DIAPH3: variants seen among roughly 807,000 people sequenced by gnomAD.
The protein encoded by DIAPH3 is diaphanous related formin 3, also known as protein diaphanous homolog 3.
In DIAPH3, 117 loss-of-function variants were observed where a neutral mutation model predicts 144.3. The ratio of observed to expected loss-of-function variants is 0.81; its 90% confidence interval spans 0.70 to 0.95. The LOEUF (loss-of-function observed/expected upper bound fraction) is 0.95. DIAPH3 is among the 40% of genes least tolerant of loss of function. DIAPH3 has a pLI of 0.00. For synonymous variants in DIAPH3, 519 were observed against 488.9 expected (o/e 1.06, Z -0.81); for missense variants, 1,421 against 1,412.7 (o/e 1.01, Z -0.09).
intron 27 of DIAPH3, among the ~76,000 whole-genome samples, chr13:59,714,597 CTT>C (rs1188087151): frequency 1.3e-5 from 2 of 152,088 alleles, no homozygotes; most frequent in Non-Finnish European, 2.9e-5. Flanking sequence ...CAGTTTATAA[CTT>C]TACCTTTTTT....
Position 59,666,943 on chromosome 13 carries a change from T to G in DIAPH3, c.3320-97A>C, listed in dbSNP as rs903125001. 8 of 1,394,456 alleles carry G rather than the reference T, an allele frequency of 5.7e-6. No homozygotes were observed. The Admixed American group carries it at 7.7e-5, about 13-fold the overall frequency. The allele number at this position is 1,394,456 out of a possible 1,614,324, so 86.4% of individuals were successfully genotyped here. ...ATTTAAAATAATTATTCTCAATAAA[T>G]AAGTAGTCTTCTTAGATAGACTAAA... On this transcript the variant is annotated intron_variant, in intron 27 of 27. Transcript: ENST00000400324.
rs147909243 is a variant in DIAPH3, at chr13:59,829,137, G to A, written c.3027+3970C>T. ...GTCGTGAGATTCTAGAAACACTGAG[G>A]AGAGACTGTATGAGTTAGTCAAAGG... On this transcript the variant is annotated intron_variant, in intron 24 of 27. Coordinates refer to ENST00000400324, the MANE Select transcript of DIAPH3 (RefSeq NM_001042517.2). 7.0e-4 allele frequency among the ~76,000 whole-genome samples: 106 copies of A among 152,080 alleles called. 1 individual carries two copies. The East Asian group carries it at 0.014, about 19-fold the overall frequency.
At chr13:59,950,225 A>G (rs2049030102) in intron 17 of DIAPH3, among the ~76,000 whole-genome samples, 1 of 152,160 alleles carries the variant, frequency 6.6e-6, no homozygotes, top group Admixed American at 6.6e-5. Context: ...AACTCTTTCT[A>G]GGTTCATCTT....
intron 25 of DIAPH3, among the ~76,000 whole-genome samples, chr13:59,803,880 T>C (rs1032452359): frequency 1.3e-5 from 2 of 152,218 alleles, no homozygotes; most frequent in Non-Finnish European, 2.9e-5. Context: ...CTACTATTTA[T>C]GGAACAGAAT....
intron 1 of DIAPH3, among the ~76,000 whole-genome samples, chr13:60,152,766 A>C (rs1951852278): frequency 6.6e-6 from 1 of 152,066 alleles, no homozygotes; most frequent in Non-Finnish European, 1.5e-5. Context: ...TTCTTATTTA[A>C]CCAAAAAAAC....
At chr13:59,737,530 C>A (rs1048605741) in intron 27 of DIAPH3, among the ~76,000 whole-genome samples, 5 of 152,080 alleles carry the variant, frequency 3.3e-5, no homozygotes, top group Admixed American at 1.3e-4. Flanking sequence ...TTTATGTCAG[C>A]CTCAGAGTAT....
intron 25 of DIAPH3, among the ~76,000 whole-genome samples, chr13:59,801,219 C>A (rs1248809786): frequency 6.6e-6 from 1 of 152,106 alleles, no homozygotes. Context: ...TTAAAATAAT[C>A]TTTTGTTCCC....
intron 25 of DIAPH3, among the ~76,000 whole-genome samples, chr13:59,790,730 CAT>C (rs2039286622): frequency 6.6e-6 from 1 of 152,030 alleles, no homozygotes; most frequent in African/African-American, 2.4e-5. Flanking sequence ...AAAGAATTGA[CAT>C]ATGCTTTCAG....
intron 25 of DIAPH3, among the ~76,000 whole-genome samples, chr13:59,791,574 T>C (rs1480280485): frequency 6.6e-6 from 1 of 152,208 alleles, no homozygotes; most frequent in Non-Finnish European, 1.5e-5. Context: ...AAGCTCATTC[T>C]TTCCACTATA....
At chr13:59,817,485 C>G (rs908686768) in intron 24 of DIAPH3, among the ~76,000 whole-genome samples, 1 of 151,760 alleles carries the variant, frequency 6.6e-6, no homozygotes, top group African/African-American at 2.4e-5. Flanking sequence ...CATAGTTTCC[C>G]TTTCTTCTGA....
chr13:59,905,948 C>G (rs1489093002), intron 20 of DIAPH3, among the ~76,000 whole-genome samples: 1 of 152,044 alleles, frequency 6.6e-6, no homozygotes, highest in Admixed American at 6.5e-5. Flanking sequence ...TTTAAGCCAC[C>G]AAGTTTGTGG....
At chr13:60,015,091 G>A (rs2053550720) in intron 7 of DIAPH3, among the ~76,000 whole-genome samples, 1 of 152,002 alleles carries the variant, frequency 6.6e-6, no homozygotes, top group Non-Finnish European at 1.5e-5. Context: ...AAACTCCTGG[G>A]CTCAAGCCAC....
At chr13:59,714,339 G>A (rs570740080) in intron 27 of DIAPH3, among the ~76,000 whole-genome samples, 12 of 131,942 alleles carry the variant, frequency 9.1e-5, no homozygotes, top group South Asian at 2.7e-4. Flanking sequence ...CAGCCTGGGC[G>A]ACAGAGCGAG....
intron 5 of DIAPH3, among the ~76,000 whole-genome samples, chr13:60,028,509 T>C (rs1226213415): frequency 6.6e-6 from 1 of 152,168 alleles, no homozygotes; most frequent in African/African-American, 2.4e-5. Flanking sequence ...TCTGTGTTTC[T>C]GCCTCCTCTT....
chr13:59,750,542 G>A (rs954053444), intron 27 of DIAPH3, among the ~76,000 whole-genome samples: 3 of 152,126 alleles, frequency 2.0e-5, no homozygotes, highest in South Asian at 2.1e-4. Context: ...GTCTGCTCTC[G>A]TTTATGTTGA....
intron 8 of DIAPH3, among the ~76,000 whole-genome samples, chr13:60,010,285 A>C (rs1192768424): frequency 6.6e-6 from 1 of 152,182 alleles, no homozygotes; most frequent in Non-Finnish European, 1.5e-5. Context: ...AGTTAAAAAA[A>C]CAGTTTAAAT....
rs35687460 is a variant in DIAPH3, at chr13:60,162,809, TCACACACA to T, written c.180+770_180+777del. Among the ~76,000 whole-genome samples, 1,084 of 122,484 alleles carry T rather than the reference TCACACACA, an allele frequency of 8.9e-3. 5 individuals carry two copies. Among genetic ancestry groups the T allele is most frequent in the Non-Finnish European group, 0.012 (695 of 59,574 alleles). 80.4% of individuals were successfully genotyped at this position (122,484 alleles called of 152,430 possible). A position where few individuals can be genotyped will look rare whatever the true frequency, so the allele number is the denominator to read the frequency against. ...CTCTCTCTCTCTCTCTCTCTCTCTC[TCACACACA>T]CACACACACACACACACACACACAC... On this transcript the variant is annotated intron_variant, in intron 1 of 27. Coordinates refer to ENST00000400324, the MANE Select transcript of DIAPH3 (RefSeq NM_001042517.2).
In DIAPH3 at chr13:59,992,064, A is replaced by C. The variant is rs2051856511; in HGVS notation, c.1244+4T>G. ...TTTGACTAGACTTCAGAACAAAAGG[A>C]TATTCAAGTTCAGCTCTAATATCTT... On this transcript the variant is annotated splice_donor_region_variant and intron_variant, in intron 11 of 27. Transcript: ENST00000400324. 6.2e-7 allele frequency: 1 copy of C among 1,605,982 alleles called. No individual in the cohort carries two copies. Among genetic ancestry groups the C allele is most frequent in the Admixed American group, 1.7e-5 (1 of 59,776 alleles).
chr13:59,823,951 G>A (rs1362890917), intron 24 of DIAPH3, among the ~76,000 whole-genome samples: 1 of 152,078 alleles, frequency 6.6e-6, no homozygotes, highest in African/African-American at 2.4e-5. Flanking sequence ...GATTAACTGA[G>A]TTAAAATTGA....
Sources: gnomAD v4.1 joint callset for allele counts (sites outside exome capture counted in the v4.1 genomes callset) on GRCh38, gnomAD v4.1.1 for gene constraint, MANE v1.5 for transcripts, NCBI Gene and HGNC (gene_info 2026-07-23, HGNC 2026-07-21) for gene names.